Variants in WNK1 observed in about 807,000 individuals in gnomAD.
WNK1 encodes the protein WNK lysine deficient protein kinase 1.
WNK1 carries 38 observed loss-of-function variants against 222.8 expected under a neutral mutation model. The observed-to-expected ratio is 0.17, with a 90% CI of 0.13 to 0.22. The LOEUF (loss-of-function observed/expected upper bound fraction) is 0.22. Ranked by LOEUF, WNK1 falls within the 10% of genes least tolerant of loss-of-function variation. The pLI is 1.00. For synonymous variants in WNK1, 1,090 were observed against 1,092.9 expected, an observed-to-expected ratio of 1.00 and a Z score of 0.05; for missense variants, 2,348 against 2,918.4, an observed-to-expected ratio of 0.80 and a Z score of 4.50.
At chr12:892,596 G>C (rs1414677382) in intron 22 of WNK1, among the ~76,000 whole-genome samples, 1 of 152,118 alleles carries the variant, frequency 6.6e-6, no homozygotes, top group Non-Finnish European at 1.5e-5. Context: ...ATATATATTT[G>C]TGGGAGGGGG....
At chr12:791,904 A>G (rs373934339) in intron 1 of WNK1, among the ~76,000 whole-genome samples, 22 of 152,238 alleles carry the variant, frequency 1.4e-4, no homozygotes, top group East Asian at 1.4e-3. Context: ...CACTGCCTCC[A>G]CTTCCCAGAC....
At chr12:809,242 A>T (rs56116045) in intron 1 of WNK1, among the ~76,000 whole-genome samples, 7,753 of 107,942 alleles carry the variant, frequency 0.072, 282 homozygotes, top group Admixed American at 0.12. Flanking sequence ...AAAAAAAAAA[A>T]ATTTTTTTTT....
At chr12:757,575 G>A (rs988251003) in intron 1 of WNK1, among the ~76,000 whole-genome samples, 2 of 152,078 alleles carry the variant, frequency 1.3e-5, no homozygotes, top group African/African-American at 4.8e-5. Flanking sequence ...AGATGTTTAA[G>A]ATGCAGATTT....
intron 1 of WNK1, among the ~76,000 whole-genome samples, chr12:795,690 G>A (rs1238996770): frequency 3.9e-5 from 6 of 152,010 alleles, no homozygotes; most frequent in African/African-American, 7.2e-5. Context: ...TCTATAGTTC[G>A]TGTCTTTCTA....
chr12:869,128 A>T, intron 8 of WNK1: 1 of 1,613,142 alleles, frequency 6.2e-7, no homozygotes, highest in South Asian at 1.1e-5. Flanking sequence ...TTCCACAATT[A>T]TTTTAAACTA....
chr12:782,630 G>T (rs1038531759), intron 1 of WNK1, among the ~76,000 whole-genome samples: 30 of 152,022 alleles, frequency 2.0e-4, no homozygotes, highest in Non-Finnish European at 4.3e-4. Flanking sequence ...TTGGCCTTCC[G>T]AGCAGCTAGG....
intron 26 of WNK1, chr12:906,464 A>C: frequency 2.0e-6 from 2 of 985,184 alleles, no homozygotes; most frequent in Non-Finnish European, 1.2e-6. Context: ...TCGCTTCTAC[A>C]TGGGAGTGCT....
At position 865,404 on chromosome 12, in the gene WNK1, C is replaced by A. The variant is rs1202955885; in HGVS notation, c.2139+3134C>A. On this transcript the variant is annotated intron_variant, in intron 8 of 27. Coordinates refer to ENST00000315939, the MANE Select transcript of WNK1 (RefSeq NM_018979.4). Reference sequence around the variant, plus strand: ...ACTTCTGACAAATGAACAATTATTACCAATGAATACATCCAGGCAACAAGA... The same window carrying A: ...ACTTCTGACAAATGAACAATTATTAACAATGAATACATCCAGGCAACAAGA... 3 of 1,514,286 alleles carry A rather than the reference C, an allele frequency of 2.0e-6. No homozygotes were observed. In the African/African-American group the frequency reaches 4.1e-5, roughly 21 times the overall value. The allele number at this position is 1,514,286 out of a possible 1,614,324, so 93.8% of individuals were successfully genotyped here.
Position 897,475 on chromosome 12 carries a change from A to T in WNK1, c.6246-4A>T. Reference sequence around the variant, plus strand: ...TTTGAATTATGTTTGGTTATCTTTCACAGACATCTCAAAGAGATTCAGGAC... The same window carrying T: ...TTTGAATTATGTTTGGTTATCTTTCTCAGACATCTCAAAGAGATTCAGGAC... On this transcript the variant is annotated splice_region_variant and splice_polypyrimidine_tract_variant and intron_variant, in intron 24 of 27. Coordinates refer to ENST00000315939, the MANE Select transcript of WNK1 (RefSeq NM_018979.4). 1 of 1,555,808 alleles carries T rather than the reference A, an allele frequency of 6.4e-7. No homozygotes were observed.
intron 1 of WNK1, among the ~76,000 whole-genome samples, chr12:798,461 G>A (rs1190992758): frequency 6.6e-6 from 1 of 152,130 alleles, no homozygotes; most frequent in Non-Finnish European, 1.5e-5. Flanking sequence ...CAAAGTGCTG[G>A]GATGACAGGC....
intron 22 of WNK1, among the ~76,000 whole-genome samples, chr12:892,023 C>T (rs1592207117): frequency 6.8e-6 from 1 of 147,150 alleles, no homozygotes; most frequent in African/African-American, 2.5e-5. Context: ...TCAGATCCCA[C>T]ATTATAACTA....
At chr12:841,504 T>G (rs1339614307) in intron 4 of WNK1, among the ~76,000 whole-genome samples, 1 of 152,222 alleles carries the variant, frequency 6.6e-6, no homozygotes, top group East Asian at 1.9e-4. Flanking sequence ...ATTCAGCAGG[T>G]TTTATTTCCC....
chr12:831,573 C>T (rs1230681299), intron 4 of WNK1, among the ~76,000 whole-genome samples: 1 of 151,588 alleles, frequency 6.6e-6, no homozygotes, highest in Non-Finnish European at 1.5e-5. Flanking sequence ...TTCCATTAAA[C>T]CATATATTTA....
intron 9 of WNK1, among the ~76,000 whole-genome samples, chr12:872,656 C>G (rs1362686476): frequency 2.0e-5 from 3 of 152,178 alleles, no homozygotes; most frequent in Non-Finnish European, 4.4e-5. Context: ...AAATTTGTAG[C>G]CACTATGTAT....
At chr12:886,548 A>G (rs1384372785) in intron 19 of WNK1, among the ~76,000 whole-genome samples, 1 of 142,512 alleles carries the variant, frequency 7.0e-6, no homozygotes, top group Non-Finnish European at 1.6e-5. Context: ...AAATTGATAC[A>G]GAGGAGAAAT....
intron 4 of WNK1, among the ~76,000 whole-genome samples, chr12:850,891 G>A (rs1950372629): frequency 6.6e-6 from 1 of 152,062 alleles, no homozygotes; most frequent in South Asian, 2.1e-4. Context: ...GATATGTGGT[G>A]TTACTTCTGA....
chr12:773,843 T>C lies in WNK1; in HGVS notation c.759+19519T>C, dbSNP rs564760362. 3.9e-5 allele frequency among the ~76,000 whole-genome samples: 6 copies of C among 152,338 alleles called. No homozygotes were observed. The South Asian group carries it at 1.2e-3, about 32-fold the overall frequency. The stretch of plus-strand genomic sequence containing the variant: ...TTAATAGCTGCTTGACAGTTCCTTA[T>C]GTGCATATGCCATAATTTCCTTCAT... On this transcript the variant is annotated intron_variant, in intron 1 of 27. Coordinates refer to ENST00000315939, the MANE Select transcript of WNK1 (RefSeq NM_018979.4).
intron 1 of WNK1, among the ~76,000 whole-genome samples, chr12:764,698 A>C (rs1441237091): frequency 6.9e-6 from 1 of 145,802 alleles, no homozygotes; most frequent in Non-Finnish European, 1.5e-5. Context: ...CAGCCCTGAC[A>C]AAAAGAAATT....
Position 861,084 on chromosome 12 carries a change from A to C in WNK1, c.1692A>C (p.Leu564Phe). The change falls in exon 7 of 28, where the codon TTA becomes TTC. Residue 564 changes from leucine (L) to phenylalanine (F), a missense_variant. This residue lies in a region of WNK1 where 103 missense variants were observed against 111.5 expected (regional missense o/e 0.92). Coordinates refer to ENST00000315939, the MANE Select transcript of WNK1 (RefSeq NM_018979.4). ...AAGCTATCAAAGACAGAGTATCATT[A>C]ATTAAGAGGAAACGAGAGCAGCGGC... ...MAKAIKDRVS[L>F]IKRKREQRQL... is the part of the protein sequence containing the mutation. 3 of 1,614,050 alleles carry C rather than the reference A, an allele frequency of 1.9e-6. No homozygotes were observed. The highest frequency in any genetic ancestry group is 2.5e-6 in the Non-Finnish European group (3 of 1,180,002).
Sources: gnomAD v4.1 joint callset for allele counts (sites outside exome capture counted in the v4.1 genomes callset) on GRCh38, gnomAD v4.1.1 for gene constraint, gnomAD v4.1.1 regional missense constraint, MANE v1.5 for transcripts, NCBI Gene and HGNC (gene_info 2026-07-23, HGNC 2026-07-21) for gene names.